The following C7 variants were observed in gnomAD, a reference collection of about 807,000 sequenced individuals.
The protein encoded by C7 is complement C7.
C7 carries 83 observed loss-of-function variants against 104.8 expected under a neutral mutation model. That is an observed-to-expected ratio of 0.79 (90% CI 0.66 to 0.95). The LOEUF is 0.95. Ranked by LOEUF, C7 falls within the 40% of genes least tolerant of loss-of-function variation. C7 has a pLI of 0.00. For missense variants in C7, 1,070 were observed against 1,011.2 expected (o/e 1.06, Z -0.79); for synonymous variants, 415 against 360.6 (o/e 1.15, Z -1.71).
chr5:40,952,422 T>A (rs1203730540), intron 9 of C7, among the ~76,000 whole-genome samples: 1 of 152,184 alleles, frequency 6.6e-6, no homozygotes, highest in East Asian at 1.9e-4. Flanking sequence ...CACTGGGGTA[T>A]GGAAAGGGAG....
At position 40,945,244 on chromosome 5, in the gene C7, G is replaced by T; in HGVS notation, c.614G>T (p.Trp205Leu). ...DFNYEFYNST[W>L]SYVKHTSTEH... Reference sequence around the variant, plus strand: ...AATTATGAATTTTACAATAGTACTTGGTCTTATGTAAAACATACGTCGACA... The same window carrying T: ...AATTATGAATTTTACAATAGTACTTTGTCTTATGTAAAACATACGTCGACA... Residue 205 changes from tryptophan (W) to leucine (L), a missense_variant, in exon 7 of 18, where the codon TGG (tryptophan) becomes TTG (leucine). Transcript: ENST00000313164. 3.2e-6 allele frequency: 5 copies of T among 1,552,844 alleles called. No homozygotes were observed. Among genetic ancestry groups the T allele is most frequent in the Non-Finnish European group, 4.4e-6 (5 of 1,144,616 alleles).
At chr5:40,965,412 T>C (rs12655049) in intron 14 of C7, among the ~76,000 whole-genome samples, 28,354 of 152,058 alleles carry the variant, frequency 0.19, 3,138 homozygotes, top group Middle Eastern at 0.4. Context: ...CACACACACA[T>C]ACATATATTT....
At chr5:40,974,272 A>G (rs1740765359) in intron 15 of C7, among the ~76,000 whole-genome samples, 1 of 152,126 alleles carries the variant, frequency 6.6e-6, no homozygotes, top group Non-Finnish European at 1.5e-5. Context: ...AAATAGCAAA[A>G]GCACATACTT....
chr5:40,945,421 CT>C, intron 7 of C7, 53 bp downstream of exon 7: 1 of 1,202,022 alleles, frequency 8.3e-7, no homozygotes, highest in African/African-American at 1.6e-5. Context: ...TTAAGTATTG[CT>C]TACATTAATA....
At chr5:40,909,637 C>G in intron 1 of C7, 21 bp downstream of exon 1, 1 of 1,507,638 alleles carries the variant, frequency 6.6e-7, no homozygotes, top group Non-Finnish European at 9.0e-7. Context: ...AAATTCATTA[C>G]TTTTGTAAAT....
intron 14 of C7, among the ~76,000 whole-genome samples, chr5:40,967,310 C>T (rs1318983652): frequency 5.9e-5 from 9 of 152,212 alleles, no homozygotes; most frequent in African/African-American, 1.2e-4. Flanking sequence ...ATGATTTGTC[C>T]GCCTTGGCCT....
chr5:40,971,734 T>C (rs1056764578), intron 14 of C7, among the ~76,000 whole-genome samples: 27 of 152,310 alleles, frequency 1.8e-4, no homozygotes, highest in African/African-American at 6.5e-4. Context: ...TACATTTAAG[T>C]CTTTAATCCA....
At chr5:40,978,140 GA>G (rs869311131) in intron 16 of C7, among the ~76,000 whole-genome samples, 53,536 of 108,158 alleles carry the variant, frequency 0.49, 9,815 homozygotes, top group East Asian at 0.6. Flanking sequence ...ATCTCAAAAA[GA>G]AAAAAAAAAA....
intron 11 of C7, 118 bp downstream of exon 11, chr5:40,958,379 G>A (rs977131061): frequency 1.0e-5 from 6 of 593,798 alleles, no homozygotes; most frequent in Non-Finnish European, 1.7e-5. Flanking sequence ...AATGAATTTA[G>A]AATCCTCCTT....
intron 9 of C7, among the ~76,000 whole-genome samples, chr5:40,951,104 G>A (rs1204168862): frequency 2.0e-5 from 3 of 152,136 alleles, no homozygotes; most frequent in African/African-American, 7.2e-5. Flanking sequence ...GGAGGAGTGA[G>A]GTCAACAGAG....
chr5:40,910,806 C>A lies in C7; in HGVS notation c.6+1190C>A, dbSNP rs10066008. Among the ~76,000 whole-genome samples, 1,044 of 128,208 alleles carry A rather than the reference C, an allele frequency of 8.1e-3. 3 individuals carry two copies. Among genetic ancestry groups the A allele is most frequent in the Non-Finnish European group, 0.012 (712 of 59,736 alleles). 84.1% of individuals were successfully genotyped at this position (128,208 alleles called of 152,430 possible). A position where few individuals can be genotyped will look rare whatever the true frequency, so the allele number is the denominator to read the frequency against. ...GACTCTCTCTCAAAAAAAAAAAAAACAAAAAAAAAACAAGAAAAGAAAATG... is the reference window on the plus strand; with the variant it reads ...GACTCTCTCTCAAAAAAAAAAAAAAAAAAAAAAAAACAAGAAAAGAAAATG... On this transcript the variant is annotated intron_variant, in intron 1 of 17. Transcript: ENST00000313164.
Position 40,955,479 on chromosome 5 carries a change from C to T in C7, c.1186C>T (p.Pro396Ser). ...CCTTAGTTACCTAGAGCTGGACAAT[C>T]CTGCTGGAAACAAAAGGCGATATTC... ...SGLSYLELDN[P>S]AGNKRRYSAW... The change falls in exon 10 of 18, where the codon CCT becomes TCT. Residue 396 changes from proline (P) to serine (S), a missense_variant. Pro to Ser is a moderately conservative substitution (Grantham distance 74, BLOSUM62 -1). Transcript: ENST00000313164. 1 of 1,613,548 alleles carries T rather than the reference C, an allele frequency of 6.2e-7. No individual in the cohort carries two copies.
intron 15 of C7, among the ~76,000 whole-genome samples, chr5:40,975,556 G>T (rs1374573883): frequency 6.6e-6 from 1 of 152,028 alleles, no homozygotes; most frequent in Non-Finnish European, 1.5e-5. Flanking sequence ...TAGAGACAGG[G>T]TTTCACCATG....
intron 12 of C7, among the ~76,000 whole-genome samples, chr5:40,961,481 C>A (rs147062360): frequency 2.0e-5 from 3 of 152,018 alleles, no homozygotes; most frequent in Admixed American, 1.3e-4. Flanking sequence ...GCCTCCCAAG[C>A]TCAGGAGATT....
chr5:40,910,157 A>C (rs964888921), intron 1 of C7, among the ~76,000 whole-genome samples: 2 of 152,126 alleles, frequency 1.3e-5, no homozygotes, highest in Non-Finnish European at 2.9e-5. Context: ...CTAAAGGTCT[A>C]CCAAGTATAC....
intron 14 of C7, among the ~76,000 whole-genome samples, chr5:40,965,495 T>C (rs1162591418): frequency 6.6e-6 from 1 of 152,154 alleles, no homozygotes; most frequent in East Asian, 1.9e-4. Context: ...TACATACATT[T>C]AGATTTAGTG....
chr5:40,949,220 C>A (rs1251302364), intron 8 of C7, among the ~76,000 whole-genome samples: 1 of 151,806 alleles, frequency 6.6e-6, no homozygotes. Flanking sequence ...TAAATATAAT[C>A]ATAACCTCTG....
intron 4 of C7, 83 bp downstream of exon 4, chr5:40,934,549 A>C: frequency 7.4e-7 from 1 of 1,347,476 alleles, no homozygotes; most frequent in Non-Finnish European, 1.0e-6. Flanking sequence ...TATTTGTTAA[A>C]TTTTACTGAA....
chr5:40,943,043 T>A (rs1195305669), intron 6 of C7, among the ~76,000 whole-genome samples: 1 of 152,224 alleles, frequency 6.6e-6, no homozygotes, highest in Non-Finnish European at 1.5e-5. Flanking sequence ...ATTACAGGCA[T>A]AAGCCGCCAC....
Sources: allele counts gnomAD v4.1 joint callset (sites outside exome capture counted in the v4.1 genomes callset), GRCh38; gene constraint gnomAD v4.1.1; transcripts MANE v1.5; gene names NCBI Gene and HGNC (gene_info 2026-07-23, HGNC 2026-07-21).